Variants in PCDHA3 observed in about 807,000 individuals in gnomAD.
The protein encoded by PCDHA3 is protocadherin alpha-3.
In PCDHA3, 41 loss-of-function variants were observed where a neutral mutation model predicts 62.2. The ratio of observed to expected loss-of-function variants is 0.66; its 90% CI spans 0.51 to 0.86. PCDHA3 has a LOEUF of 0.86. Ranked by LOEUF, PCDHA3 falls within the 40% of genes least tolerant of loss-of-function variation. The pLI is 0.00. For synonymous variants in PCDHA3, 640 were observed against 555.4 expected, an observed-to-expected ratio of 1.15 and a Z score of -2.14; for missense variants, 1,304 against 1,241.2, an observed-to-expected ratio of 1.05 and a Z score of -0.76.
intron 1 of PCDHA3, among the ~76,000 whole-genome samples, chr5:140,806,777 C>T (rs1364833284): frequency 1.3e-5 from 2 of 152,176 alleles, no homozygotes; most frequent in Non-Finnish European, 1.5e-5. Context: ...TACTTAAAAC[C>T]TGTGTTGAAA....
intron 1 of PCDHA3, chr5:140,884,455 G>A: frequency 2.5e-6 from 4 of 1,613,784 alleles, no homozygotes; most frequent in Non-Finnish European, 3.4e-6. Flanking sequence ...CGCCCACCGA[G>A]GGCGCGTGCG....
chr5:140,883,616 G>T (rs781929949), intron 1 of PCDHA3: 69 of 1,613,896 alleles, frequency 4.3e-5, no homozygotes, highest in Non-Finnish European at 5.7e-5. Flanking sequence ...CGACGTGAAC[G>T]ACAACGCGCC....
chr5:140,844,793 A>G (rs1417087435), intron 1 of PCDHA3, among the ~76,000 whole-genome samples: 1 of 149,016 alleles, frequency 6.7e-6, no homozygotes, highest in Non-Finnish European at 1.5e-5. Context: ...ATCTTTCAAC[A>G]TTTTCTTTCT....
intron 1 of PCDHA3, chr5:140,830,369 T>C: frequency 6.2e-7 from 1 of 1,614,088 alleles, no homozygotes; most frequent in African/African-American, 1.3e-5. Context: ...GAGGGTGTGC[T>C]CCGGGGAGGG....
chr5:140,926,917 TTA>T, intron 1 of PCDHA3: 3 of 1,565,668 alleles, frequency 1.9e-6, no homozygotes, highest in South Asian at 1.2e-5. Context: ...GGTGGCAGTT[TTA>T]TGTTTGTGGG....
rs2150527140 is a variant in PCDHA3 at position 140,853,018 on chromosome 5, A to G, written c.2394+49427A>G. 8 of 268,768 alleles carry G rather than the reference A, an allele frequency of 3.0e-5. No homozygotes were observed. In the East Asian group the frequency reaches 8.8e-4, roughly 30 times the overall value. 16.6% of individuals were successfully genotyped at this position (268,768 alleles called of 1,614,324 possible). A position where few individuals can be genotyped will look rare whatever the true frequency, so the allele number is the denominator to read the frequency against. ...CTCAGCCTCCCGAGTAGCTGGGACT[A>G]CAGGCGCCTGCCACCATGCCCGCCT... On this transcript the variant is annotated intron_variant, in intron 1 of 3. Coordinates refer to ENST00000522353, the MANE Select transcript of PCDHA3 (RefSeq NM_018906.3).
At chr5:140,884,541 T>C (rs782267123) in intron 1 of PCDHA3, 17 of 1,613,862 alleles carry the variant, frequency 1.1e-5, no homozygotes, top group Non-Finnish European at 1.4e-5. Flanking sequence ...CGGCCGAGGG[T>C]GTGCTCTGGG....
At chr5:140,862,766 A>T (rs781899169) in intron 1 of PCDHA3, 1 of 576,266 alleles carries the variant, frequency 1.7e-6, no homozygotes, top group Non-Finnish European at 3.3e-6. Context: ...GGCAAGAGGT[A>T]CGCGTTGCAG....
At chr5:140,835,974 T>A (rs782216011) in intron 1 of PCDHA3, 1 of 1,612,180 alleles carries the variant, frequency 6.2e-7, no homozygotes, top group African/African-American at 1.3e-5. Context: ...GCTGGAGCTG[T>A]TGCAGTTCCA....
At chr5:140,883,759 G>C (rs1554179777) in intron 1 of PCDHA3, 1 of 1,612,822 alleles carries the variant, frequency 6.2e-7, no homozygotes, top group Non-Finnish European at 8.5e-7. Context: ...TGGTGGAGCG[G>C]CGGGTGGGCG....
rs782282264 is a variant in PCDHA3, at chr5:141,009,955, A to C, written c.*18A>C. The C allele has an allele frequency of 6.3e-7, 1 of 1,592,536 alleles. No homozygotes were observed. The highest frequency in any genetic ancestry group is 2.2e-5 in the East Asian group (1 of 44,734). ...ACCAGTGAGGTCCTCAAATGGAAAC[A>C]AGCCACTTAGCCAGTTTTTGTAATA... is the stretch of plus-strand genomic sequence containing the variant. On this transcript the variant is annotated 3_prime_UTR_variant, in exon 4 of 4. Coordinates refer to ENST00000522353, the MANE Select transcript of PCDHA3 (RefSeq NM_018906.3).
chr5:140,937,521 G>A (rs1244752316), intron 1 of PCDHA3, among the ~76,000 whole-genome samples: 1 of 152,106 alleles, frequency 6.6e-6, no homozygotes, highest in Non-Finnish European at 1.5e-5. Context: ...GGAGGCTGAG[G>A]CAGGAGAATT....
Position 140,857,792 on chromosome 5 carries a change from C to T in PCDHA3, c.2394+54201C>T, listed in dbSNP as rs368399538. 21 of 1,597,428 alleles carry T rather than the reference C, an allele frequency of 1.3e-5. 1 individual carries two copies. In the African/African-American group the frequency reaches 2.6e-4, roughly 19 times the overall value. On this transcript the variant is annotated intron_variant, in intron 1 of 3. Coordinates refer to ENST00000522353, the MANE Select transcript of PCDHA3 (RefSeq NM_018906.3). ...CGGTGCAGTCAGTGAGCTGGTGCTGCGGTCGGTGGTTGCGGGTCACGTGGT... is the reference window on the plus strand; with the variant it reads ...CGGTGCAGTCAGTGAGCTGGTGCTGTGGTCGGTGGTTGCGGGTCACGTGGT...
At chr5:140,900,373 G>T (rs1225159327) in intron 1 of PCDHA3, among the ~76,000 whole-genome samples, 2 of 152,118 alleles carry the variant, frequency 1.3e-5, no homozygotes, top group Non-Finnish European at 2.9e-5. Flanking sequence ...TGCCTCCTGG[G>T]TTCAAGCGAT....
chr5:140,896,228 G>C (rs567886194), intron 1 of PCDHA3, among the ~76,000 whole-genome samples: 1 of 152,298 alleles, frequency 6.6e-6, no homozygotes, highest in South Asian at 2.1e-4. Context: ...CTTTATAGTA[G>C]AATGACTTAT....
At chr5:140,845,489 T>C (rs1779894647) in intron 1 of PCDHA3, among the ~76,000 whole-genome samples, 1 of 149,700 alleles carries the variant, frequency 6.7e-6, no homozygotes, top group Non-Finnish European at 1.5e-5. Context: ...GCTTTCACAG[T>C]GAGAAAGTCT....
At chr5:140,858,581 T>C in intron 1 of PCDHA3, 1 of 1,350,098 alleles carries the variant, frequency 7.4e-7, no homozygotes, top group South Asian at 1.4e-5. Context: ...CTTTGTAATA[T>C]AATTTATTCC....
At chr5:140,997,456 C>T (rs2097770717) in intron 3 of PCDHA3, among the ~76,000 whole-genome samples, 1 of 152,146 alleles carries the variant, frequency 6.6e-6, no homozygotes, top group African/African-American at 2.4e-5. Context: ...ATACTGAATA[C>T]TGTAGGCAAT....
chr5:140,830,363 GT>G, intron 1 of PCDHA3: 1 of 1,614,138 alleles, frequency 6.2e-7, no homozygotes, highest in Non-Finnish European at 8.5e-7. Context: ...GCGGCAGAGG[GT>G]GTGCTCCGGG....
Sources: gnomAD v4.1 joint callset for allele counts (sites outside exome capture counted in the v4.1 genomes callset) on GRCh38, gnomAD v4.1.1 for gene constraint, MANE v1.5 for transcripts, NCBI Gene and HGNC (gene_info 2026-07-23, HGNC 2026-07-21) for gene names.